Variants in RAB28 observed in about 807,000 individuals in gnomAD.
RAB28 encodes ras-related protein Rab-28.
A neutral mutation model predicts 31.7 loss-of-function variants in RAB28; 24 were observed. That is an observed-to-expected ratio of 0.76 (90% CI 0.55 to 1.06). The LOEUF is 1.06. Among genes scored for constraint, RAB28 ranks in the 50% least tolerant of loss-of-function variants. The probability of loss-of-function intolerance (pLI) is 0.00; values close to 1 mark genes in which losing one functional copy is unlikely to be tolerated. For synonymous variants in RAB28, 100 were observed against 90.4 expected (o/e 1.11, Z -0.60); for missense variants, 254 against 258.5 (o/e 0.98, Z 0.12).
chr4:13,410,020 C>A (rs1392397595), intron 4 of RAB28, among the ~76,000 whole-genome samples: 1 of 151,944 alleles, frequency 6.6e-6, no homozygotes, highest in Non-Finnish European at 1.5e-5. Flanking sequence ...CTCATGAGAT[C>A]TGCTTGTTTT....
At chr4:13,403,883 C>T (rs73229660) in intron 4 of RAB28, among the ~76,000 whole-genome samples, 2,096 of 152,250 alleles carry the variant, frequency 0.014, 24 homozygotes, top group Middle Eastern at 0.044. Context: ...CATCAAAATG[C>T]ATTTAGCCAA....
chr4:13,416,157 C>T (rs998082358), intron 4 of RAB28, among the ~76,000 whole-genome samples: 2 of 152,110 alleles, frequency 1.3e-5, no homozygotes, highest in African/African-American at 4.8e-5. Flanking sequence ...AAGCAGGCTG[C>T]CCAAGCCAGC....
Position 13,369,799 on chromosome 4 carries a change from T to A in RAB28, c.574-1149A>T, listed in dbSNP as rs970634367. 17 of 1,367,060 alleles carry A rather than the reference T, an allele frequency of 1.2e-5. No homozygotes were observed. The Admixed American group carries it at 3.7e-4, about 30-fold the overall frequency. 84.7% of individuals were successfully genotyped at this position (1,367,060 alleles called of 1,614,324 possible). On this transcript the variant is annotated intron_variant, in intron 6 of 6. Coordinates refer to ENST00000330852, the MANE Select transcript of RAB28 (RefSeq NM_001017979.3). ...TCTGAACTTCCCTATTCATAGGGAA[T>A]AAAGAACAAGATAGCATTCAATGGT...
intron 4 of RAB28, among the ~76,000 whole-genome samples, chr4:13,427,137 T>C (rs1421350239): frequency 1.3e-5 from 2 of 152,216 alleles, no homozygotes; most frequent in Non-Finnish European, 2.9e-5. Context: ...TCATTGTTTC[T>C]AGTTTCTGAA....
chr4:13,372,971 G>C (rs1031025373), intron 6 of RAB28, among the ~76,000 whole-genome samples: 1 of 152,036 alleles, frequency 6.6e-6, no homozygotes, highest in Non-Finnish European at 1.5e-5. Context: ...TCTCAGACAT[G>C]ATAGAAATTT....
chr4:13,427,677 G>A (rs919351590), intron 4 of RAB28, among the ~76,000 whole-genome samples: 2 of 152,286 alleles, frequency 1.3e-5, no homozygotes, highest in Admixed American at 1.3e-4. Flanking sequence ...AGAACTCCAT[G>A]AGATTGAGCA....
Position 13,368,420 on chromosome 4 carries a change from G to C in RAB28, c.*138C>G, listed in dbSNP as rs1184820879. On this transcript the variant is annotated 3_prime_UTR_variant, in exon 7 of 7. Transcript: ENST00000330852. ...AGCTGCCTGCCACTGTGAGGCAATA[G>C]CAATGATGAAGCAAGTTGGGAGTAA... 7.8e-7 allele frequency: 1 copy of C among 1,286,488 alleles called. No homozygotes were observed. The highest frequency in any genetic ancestry group is 9.9e-7 in the Non-Finnish European group (1 of 1,014,938). 79.7% of individuals were successfully genotyped at this position (1,286,488 alleles called of 1,614,324 possible).
chr4:13,461,800 C>T (rs1213155305), intron 3 of RAB28, among the ~76,000 whole-genome samples: 1 of 152,146 alleles, frequency 6.6e-6, no homozygotes, highest in Non-Finnish European at 1.5e-5. Flanking sequence ...ACCCTAATGG[C>T]ATTTATGTCG....
chr4:13,372,135 G>A (rs1728739096), intron 6 of RAB28, among the ~76,000 whole-genome samples: 1 of 152,058 alleles, frequency 6.6e-6, no homozygotes, highest in African/African-American at 2.4e-5. Flanking sequence ...CACCATCCCA[G>A]ATATTACAGA....
intron 4 of RAB28, among the ~76,000 whole-genome samples, chr4:13,412,351 G>A (rs1041749214): frequency 1.3e-5 from 2 of 152,120 alleles, no homozygotes; most frequent in Admixed American, 6.5e-5. Context: ...ATTCAGGAGA[G>A]CTGGGGGTGG....
intron 4 of RAB28, among the ~76,000 whole-genome samples, chr4:13,438,038 T>C (rs1714218300): frequency 6.6e-6 from 1 of 152,158 alleles, no homozygotes; most frequent in South Asian, 2.1e-4. Flanking sequence ...AGTCTTGTCA[T>C]TTGCAGCAAC....
chr4:13,394,282 G>A (rs933538302), intron 4 of RAB28, among the ~76,000 whole-genome samples: 1 of 152,112 alleles, frequency 6.6e-6, no homozygotes, highest in African/African-American at 2.4e-5. Context: ...GGGTAGTAGG[G>A]GGGCATAATT....
intron 5 of RAB28, 98 bp from the exon 6 acceptor site, chr4:13,376,720 T>G: frequency 1.5e-6 from 1 of 681,076 alleles, no homozygotes; most frequent in Non-Finnish European, 2.4e-6. Context: ...CAGCAATAAT[T>G]GCAAAAATAT....
chr4:13,383,255 G>A (rs551130101), intron 4 of RAB28, among the ~76,000 whole-genome samples: 6 of 151,952 alleles, frequency 3.9e-5, no homozygotes, highest in South Asian at 2.1e-4. Flanking sequence ...CATTGAAATC[G>A]CCACCCATTG....
intron 6 of RAB28, among the ~76,000 whole-genome samples, chr4:13,369,438 A>T (rs750676790): frequency 1.3e-5 from 2 of 152,158 alleles, no homozygotes; most frequent in East Asian, 1.9e-4. Context: ...TAATACTTTA[A>T]AACAAATCCT....
chr4:13,459,392 A>G (rs533039938), intron 4 of RAB28, among the ~76,000 whole-genome samples: 1 of 152,272 alleles, frequency 6.6e-6, no homozygotes, highest in African/African-American at 2.4e-5. Context: ...CTGCCCCTCT[A>G]CAGAACCCTA....
At chr4:13,387,203 G>T in intron 4 of RAB28, among the ~76,000 whole-genome samples, 1 of 151,950 alleles carries the variant, frequency 6.6e-6, no homozygotes, top group Non-Finnish European at 1.5e-5. Context: ...TGACACAAGT[G>T]TAACTATGTA....
intron 4 of RAB28, among the ~76,000 whole-genome samples, chr4:13,423,646 A>C (rs1713305947): frequency 6.6e-6 from 1 of 152,182 alleles, no homozygotes; most frequent in South Asian, 2.1e-4. Context: ...GGGACAGTTG[A>C]TGAGCTTCAA....
At chr4:13,444,922 G>GC (rs1714619036) in intron 4 of RAB28, among the ~76,000 whole-genome samples, 1 of 151,938 alleles carries the variant, frequency 6.6e-6, no homozygotes, top group South Asian at 2.1e-4. Context: ...TTGAATGTCG[G>GC]CCTGTCTTGC....
Sources: allele counts gnomAD v4.1 joint callset (sites outside exome capture counted in the v4.1 genomes callset), GRCh38; gene constraint gnomAD v4.1.1; transcripts MANE v1.5; gene names NCBI Gene and HGNC (gene_info 2026-07-23, HGNC 2026-07-21).